Variants in CATSPERG observed in about 807,000 individuals in gnomAD.
The protein encoded by CATSPERG is cation channel sperm-associated auxiliary subunit gamma.
A neutral mutation model predicts 145.0 loss-of-function variants in CATSPERG; 115 were observed. The observed-to-expected ratio is 0.79, with a 90% CI of 0.68 to 0.93. The LOEUF is 0.93. Among genes scored for constraint, CATSPERG ranks in the 40% least tolerant of loss-of-function variants. CATSPERG has a pLI of 0.00. For missense variants in CATSPERG, 1,296 were observed against 1,490.1 expected, an observed-to-expected ratio of 0.87 and a Z score of 2.14; for synonymous variants, 588 against 589.0, an observed-to-expected ratio of 1.00 and a Z score of 0.02.
Position 38,356,491 on chromosome 19 carries a change from G to A in CATSPERG, c.1143G>A (p.Gln381=). ...YVHFGTIRDG[Q]VSFEMLPRQW... is the part of the protein sequence containing the mutation. ...CCCGACCTTGCTCTGCAGATGGCCA[G>A]GTGTCCTTTGAGATGCTGCCCAGGC... The change falls in exon 10 of 29, where the codon CAG becomes CAA. Residue 381 remains glutamine, a synonymous_variant. Transcript: ENST00000409235. The A allele has an allele frequency of 6.2e-7, 1 of 1,614,106 alleles. No individual in the cohort carries two copies. Among genetic ancestry groups the A allele is most frequent in the Non-Finnish European group, 8.5e-7 (1 of 1,179,992 alleles).
At chr19:38,367,807 A>C (rs1600487429) in intron 25 of CATSPERG, 31 bp downstream of exon 25, 1 of 1,596,964 alleles carries the variant, frequency 6.3e-7, no homozygotes, top group Non-Finnish European at 8.6e-7. Flanking sequence ...CGTGTAATCC[A>C]CCTTGCTTCC....
Position 38,352,410 on chromosome 19 carries a change from CTA to C in CATSPERG, c.977_978del (p.Tyr326Ter), listed in dbSNP as rs1446993545. 7.1e-6 allele frequency: 11 copies of C among 1,551,792 alleles called. No individual in the cohort carries two copies. The highest frequency in any genetic ancestry group is 3.9e-5 in the Admixed American group (2 of 50,936). On this transcript the variant is annotated frameshift_variant, in exon 8 of 29. Coordinates refer to ENST00000409235, the MANE Select transcript of CATSPERG (RefSeq NM_021185.5). LOFTEE classifies it high-confidence loss of function. ...ATTTTACAGGCACCTATACCACACT[CTA>C]TGAGAGAAACCGCGGCAGTGGTGAG... ...YYFTGTYTTL[Y>X]ERNRGSGSWI...
chr19:38,355,005 A>G lies in CATSPERG; in HGVS notation c.1135+158A>G, dbSNP rs141265103. ...GGTGGAGGGATGCGTTTGTAGGGGT[A>G]GGGCTTGGGGGTATGTTATGTATCT... On this transcript the variant is annotated intron_variant, in intron 9 of 28. Transcript: ENST00000409235. Among the ~76,000 whole-genome samples the G allele has an allele frequency of 5.0e-3, 760 of 152,206 alleles. 6 individuals are homozygous for G. Among genetic ancestry groups the G allele is most frequent in the African/African-American group, 0.017 (726 of 41,524 alleles).
At position 38,343,740 on chromosome 19, in the gene CATSPERG, G is replaced by C; in HGVS notation, c.469+16G>C. The C allele has an allele frequency of 1.9e-6, 3 of 1,546,994 alleles. No individual in the cohort carries two copies. In the East Asian group the frequency reaches 7.3e-5, roughly 38 times the overall value. ...CGCAGCAAAGGTGGGCCTGGGGGAG[G>C]CGGGAGGGATCGCAACCTGGCAGGG... On this transcript the variant is annotated intron_variant, in intron 4 of 28. Coordinates refer to ENST00000409235, the MANE Select transcript of CATSPERG (RefSeq NM_021185.5).
chr19:38,346,347 C>T, intron 6 of CATSPERG, 103 bp from the exon 7 acceptor site: 5 of 1,078,064 alleles, frequency 4.6e-6, no homozygotes, highest in South Asian at 1.9e-5. Context: ...AAGGACAAAT[C>T]GCGTGGGGCC....
chr19:38,360,256 A>T, intron 14 of CATSPERG: 1 of 985,330 alleles, frequency 1.0e-6, no homozygotes, highest in Non-Finnish European at 1.2e-6. Flanking sequence ...GACCGAAAAC[A>T]TTGAAAAAAG....
intron 22 of CATSPERG, 47 bp downstream of exon 22, chr19:38,365,164 C>A: frequency 2.0e-5 from 30 of 1,536,342 alleles, no homozygotes; most frequent in Non-Finnish European, 2.6e-5. Flanking sequence ...AGGTTGGGGT[C>A]GGGTCTCAAC....
chr19:38,352,478 T>A, intron 8 of CATSPERG, 46 bp downstream of exon 8: 1 of 1,536,062 alleles, frequency 6.5e-7, no homozygotes, highest in East Asian at 2.5e-5. Context: ...GGCACCCTGG[T>A]GAACCCCTCC....
chr19:38,367,421 C>T lies in CATSPERG; in HGVS notation c.2771-88C>T, dbSNP rs977619336. ...CGCAGACTACCCACCCTTTTTCCTG[C>T]GGCATCTCACTTTCCCCCGTCTCGG... On this transcript the variant is annotated intron_variant, in intron 23 of 28. Transcript: ENST00000409235. The T allele has an allele frequency of 9.7e-6, 15 of 1,552,786 alleles. No homozygotes were observed. The African/African-American group carries it at 1.6e-4, about 17-fold the overall frequency.
Position 38,346,426 on chromosome 19 carries a change from G to A in CATSPERG, c.670-24G>A, listed in dbSNP as rs201462444. 1.4e-3 allele frequency: 2,094 copies of A among 1,511,728 alleles called. 4 individuals carry two copies. The highest frequency in any genetic ancestry group is 1.5e-3 in the Non-Finnish European group (1,649 of 1,118,704). The allele number at this position is 1,511,728 out of a possible 1,614,324, so 93.6% of individuals were successfully genotyped here. ...TCAGGAGAGTGGGGAGAGTGTTGGC[G>A]TCCCTCCTGTCCCTCCTTGGCAGCT... is the stretch of plus-strand genomic sequence containing the variant. On this transcript the variant is annotated intron_variant, in intron 6 of 28. Coordinates refer to ENST00000409235, the MANE Select transcript of CATSPERG (RefSeq NM_021185.5).
chr19:38,362,380 A>G lies in CATSPERG; in HGVS notation c.2162A>G (p.Tyr721Cys). The G allele has an allele frequency of 6.2e-7, 1 of 1,614,168 alleles. No individual in the cohort carries two copies. The highest frequency in any genetic ancestry group is 8.5e-7 in the Non-Finnish European group (1 of 1,180,006). ...CCCGCGCATCCGGTACCCCAGGATT[A>G]CTACTTCTTCTTGGCGAGCAATTGG... ...WWANNKQDQD[Y>C]YFFLASNWRS... The change falls in exon 19 of 29, where the codon TAC (tyrosine) becomes TGC (cysteine). Residue 721 changes from tyrosine (Y) to cysteine (C), a missense_variant. By Grantham distance (194) the Tyr-to-Cys change is radical (BLOSUM62 -2). Transcript: ENST00000409235.
chr19:38,358,550 C>G lies in CATSPERG; in HGVS notation c.1485C>G (p.Phe495Leu). The G allele has an allele frequency of 1.2e-6, 2 of 1,614,182 alleles. No individual in the cohort carries two copies. Among genetic ancestry groups the G allele is most frequent in the Non-Finnish European group, 1.7e-6 (2 of 1,180,030 alleles). ...ATCTGATCTTCATCTGGGGCAACTT[C>G]CTCCTGCAGAGGTGGGCCTCTACCA... ...YNNLIFIWGN[F>L]LLQSSNKENF... The change falls in exon 13 of 29, where the codon TTC becomes TTG. Residue 495 changes from phenylalanine to leucine, a missense_variant. Transcript: ENST00000409235.
chr19:38,355,219 C>T (rs964222198), intron 9 of CATSPERG, among the ~76,000 whole-genome samples: 1 of 151,916 alleles, frequency 6.6e-6, no homozygotes, highest in African/African-American at 2.4e-5. Flanking sequence ...GTGGCAGGCG[C>T]CTGTAATCCC....
rs778874926 is a variant in CATSPERG, at chr19:38,346,467, C to T, written c.687C>T (p.Pro229=). 2 of 1,548,340 alleles carry T rather than the reference C, an allele frequency of 1.3e-6. No homozygotes were observed. Among genetic ancestry groups the T allele is most frequent in the African/African-American group, 1.4e-5 (1 of 72,994 alleles). The change falls in exon 7 of 29, where the codon CCC becomes CCT. Residue 229 remains proline (P), a synonymous_variant. Transcript: ENST00000409235. ...TVGEELFNLM[P]QYFVGVSSRP... Reference sequence around the variant, plus strand: ...CTTGGCAGCTCTTCAACCTGATGCCCCAGTACTTTGTGGGTGTCTCATCGA... The same window carrying T: ...CTTGGCAGCTCTTCAACCTGATGCCTCAGTACTTTGTGGGTGTCTCATCGA...
chr19:38,362,731 C>CA lies in CATSPERG; in HGVS notation c.2375dup (p.His792GlnfsTer2). The CA allele has an allele frequency of 1.2e-6, 2 of 1,614,150 alleles. No individual in the cohort carries two copies. Among genetic ancestry groups the CA allele is most frequent in the Non-Finnish European group, 1.7e-6 (2 of 1,179,996 alleles). ...CGGAGCAGGCACCGCCTTCCAGCTGCATAGCCAGGTGGACGTGGGCGTGGT... is the reference window on the plus strand; with the variant it reads ...CGGAGCAGGCACCGCCTTCCAGCTGCAATAGCCAGGTGGACGTGGGCGTGGT... On this transcript the variant is annotated frameshift_variant, in exon 20 of 29. Coordinates refer to ENST00000409235, the MANE Select transcript of CATSPERG (RefSeq NM_021185.5). LOFTEE classifies it high-confidence loss of function.
At chr19:38,367,976 AC>A in intron 25 of CATSPERG, 71 bp from the exon 26 acceptor site, 1 of 1,425,056 alleles carries the variant, frequency 7.0e-7, no homozygotes, top group Non-Finnish European at 9.9e-7. Context: ...CTCCCTCCAC[AC>A]TGACCACTGA....
chr19:38,361,987 C>T (rs1182472198), intron 17 of CATSPERG, 126 bp downstream of exon 17: 8 of 57,788 alleles, frequency 1.4e-4, no homozygotes, highest in Non-Finnish European at 2.5e-4. Flanking sequence ...GGTGGGTGGG[C>T]GGGGGACCTG....
intron 3 of CATSPERG, among the ~76,000 whole-genome samples, chr19:38,341,196 T>A (rs188595222): frequency 1.3e-5 from 2 of 152,292 alleles, no homozygotes; most frequent in African/African-American, 4.8e-5. Context: ...TGGCTTTTAC[T>A]CTGAGACAGA....
chr19:38,366,908 A>G (rs1222097868), intron 22 of CATSPERG: 4 of 495,116 alleles, frequency 8.1e-6, no homozygotes, highest in Non-Finnish European at 1.4e-5. Context: ...TGGCCAGGCT[A>G]GTCTCGAACT....
Sources: allele counts gnomAD v4.1 joint callset (sites outside exome capture counted in the v4.1 genomes callset), GRCh38; gene constraint gnomAD v4.1.1; transcripts MANE v1.5; gene names NCBI Gene and HGNC (gene_info 2026-07-23, HGNC 2026-07-21).